The following SEL1L variants were observed in gnomAD, a reference collection of about 807,000 sequenced individuals.
The protein encoded by SEL1L is SEL1L adaptor subunit of SYVN1 ubiquitin ligase.
In SEL1L, 52 loss-of-function variants were observed where a neutral mutation model predicts 109.8. The observed-to-expected ratio is 0.47, with a 90% CI of 0.38 to 0.60. SEL1L has a LOEUF of 0.60. Ranked by LOEUF, SEL1L falls within the 20% of genes least tolerant of loss-of-function variation. The pLI, the probability that SEL1L is intolerant of heterozygous loss-of-function variation, is 0.00. For missense variants in SEL1L, 749 were observed against 962.2 expected (o/e 0.78, Z 2.93); for synonymous variants, 373 against 339.6 (o/e 1.10, Z -1.08).
chr14:81,493,576 A>T (rs1057297581), intron 11 of SEL1L, among the ~76,000 whole-genome samples: 2 of 152,140 alleles, frequency 1.3e-5, no homozygotes, highest in African/African-American at 4.8e-5. Context: ...CAAGATATGT[A>T]TCTCCTTTAG....
intron 3 of SEL1L, among the ~76,000 whole-genome samples, chr14:81,511,255 G>T (rs1353236222): frequency 6.6e-6 from 1 of 152,184 alleles, no homozygotes; most frequent in South Asian, 2.1e-4. Flanking sequence ...TAAGATCAGG[G>T]TTCATACAAA....
intron 3 of SEL1L, among the ~76,000 whole-genome samples, chr14:81,521,345 T>C (rs1371171229): frequency 6.6e-6 from 1 of 152,088 alleles, no homozygotes; most frequent in Non-Finnish European, 1.5e-5. Flanking sequence ...ACATCCTTGT[T>C]CTGCCTGGAA....
rs748099156 is a variant in SEL1L, at chr14:81,498,095, G to T, written c.974-49C>A. 12 of 1,556,364 alleles carry T rather than the reference G, an allele frequency of 7.7e-6. No individual in the cohort carries two copies. In the East Asian group the frequency reaches 2.3e-4, roughly 29 times the overall value. On this transcript the variant is annotated intron_variant, in intron 9 of 20. Coordinates refer to ENST00000336735, the MANE Select transcript of SEL1L (RefSeq NM_005065.6). ...AAGGTGGAGGAAAATCAGAAGAATT[G>T]TTCCAGAGAGAGAGAAGTACAATTC...
intron 3 of SEL1L, among the ~76,000 whole-genome samples, chr14:81,519,640 G>C (rs1408767408): frequency 1.3e-5 from 2 of 152,230 alleles, no homozygotes; most frequent in African/African-American, 4.8e-5. Context: ...CAGTCTGGCT[G>C]CTGTTAGGGA....
intron 4 of SEL1L, 108 bp from the exon 5 acceptor site, chr14:81,504,414 C>T: frequency 1.5e-6 from 1 of 677,506 alleles, no homozygotes. Context: ...AATGATCTTT[C>T]ACTATTCCCA....
chr14:81,517,333 G>C (rs1405499868), intron 3 of SEL1L, among the ~76,000 whole-genome samples: 3 of 152,138 alleles, frequency 2.0e-5, no homozygotes, highest in Non-Finnish European at 2.9e-5. Flanking sequence ...CTTCTAGATG[G>C]GAAGAGAAAG....
intron 4 of SEL1L, 96 bp downstream of exon 4, chr14:81,505,978 G>T (rs1169706035): frequency 8.0e-6 from 10 of 1,242,904 alleles, no homozygotes; most frequent in Non-Finnish European, 1.1e-5. Flanking sequence ...GGCCATTTCT[G>T]ACCAATGTGG....
At chr14:81,518,368 A>T (rs1035919394) in intron 3 of SEL1L, among the ~76,000 whole-genome samples, 3 of 151,862 alleles carry the variant, frequency 2.0e-5, no homozygotes, top group African/African-American at 7.3e-5. Context: ...AATGTGTTTT[A>T]AAAAAGGTAG....
At chr14:81,482,808 T>C (rs970849931) in intron 19 of SEL1L, among the ~76,000 whole-genome samples, 3 of 152,110 alleles carry the variant, frequency 2.0e-5, no homozygotes, top group Non-Finnish European at 4.4e-5. Flanking sequence ...GTCAAGAAAA[T>C]ACCGCATTAG....
At chr14:81,524,544 T>C (rs1419537712) in intron 3 of SEL1L, among the ~76,000 whole-genome samples, 1 of 152,208 alleles carries the variant, frequency 6.6e-6, no homozygotes, top group Non-Finnish European at 1.5e-5. Flanking sequence ...CAAAGGATAC[T>C]GCATATTTCT....
intron 19 of SEL1L, 116 bp downstream of exon 19, chr14:81,484,109 A>G (rs1903445435): frequency 2.8e-6 from 3 of 1,079,098 alleles, no homozygotes; most frequent in Non-Finnish European, 4.1e-6. Context: ...TCAGTCCCAT[A>G]ATTTAGTGGC....
At position 81,484,406 on chromosome 14, in the gene SEL1L, A is replaced by G. The variant is rs1400750324; in HGVS notation, c.1874-9T>C. On this transcript the variant is annotated splice_polypyrimidine_tract_variant and intron_variant, in intron 18 of 20. Coordinates refer to ENST00000336735, the MANE Select transcript of SEL1L (RefSeq NM_005065.6). The stretch of plus-strand genomic sequence containing the variant: ...TCTAGCCACAGTATAGCCTTAAACA[A>G]AAGTTAAATGCAGAACTGCCAATAA... 1.9e-6 allele frequency: 3 copies of G among 1,601,158 alleles called. No individual in the cohort carries two copies. The highest frequency in any genetic ancestry group is 2.6e-6 in the Non-Finnish European group (3 of 1,169,816).
At chr14:81,522,950 A>G (rs1482631810) in intron 3 of SEL1L, among the ~76,000 whole-genome samples, 2 of 152,210 alleles carry the variant, frequency 1.3e-5, no homozygotes, top group Non-Finnish European at 2.9e-5. Flanking sequence ...ATATTTTCAA[A>G]TATTTGGTTG....
intron 16 of SEL1L, 69 bp from the exon 17 acceptor site, chr14:81,486,523 G>A (rs1903525177): frequency 1.3e-6 from 2 of 1,506,538 alleles, no homozygotes; most frequent in South Asian, 2.4e-5. Context: ...AATCACTTAT[G>A]CACTTTGGTT....
intron 3 of SEL1L, among the ~76,000 whole-genome samples, chr14:81,513,430 C>T (rs1002922637): frequency 4.6e-5 from 7 of 152,124 alleles, no homozygotes; most frequent in Non-Finnish European, 8.8e-5. Flanking sequence ...AGTGAGACCA[C>T]GAACCCACAG....
In SEL1L at chr14:81,475,435, C is replaced by G. The variant is rs988699584; in HGVS notation, c.*1537G>C. ...CATTATAGACTAGTTAAATCTAGTT[C>G]TAACTACTACCCCAACTTCAAAAAT... On this transcript the variant is annotated 3_prime_UTR_variant, in exon 21 of 21. Coordinates refer to ENST00000336735, the MANE Select transcript of SEL1L (RefSeq NM_005065.6). 6.6e-6 allele frequency: 1 copy of G among 152,542 alleles called. No individual in the cohort carries two copies. The highest frequency in any genetic ancestry group is 1.5e-5 in the Non-Finnish European group (1 of 68,018). The allele number at this position is 152,542 out of a possible 1,614,324, so 9.4% of individuals were successfully genotyped here. A position where few individuals can be genotyped will look rare whatever the true frequency, so the allele number is the denominator to read the frequency against.
At chr14:81,481,793 G>C (rs957113280) in intron 19 of SEL1L, among the ~76,000 whole-genome samples, 20 of 152,314 alleles carry the variant, frequency 1.3e-4, no homozygotes, top group Middle Eastern at 3.4e-3. Flanking sequence ...AGCACTTTGG[G>C]AGACCGAGGC....
intron 13 of SEL1L, 37 bp from the exon 14 acceptor site, chr14:81,489,351 A>G: frequency 2.6e-6 from 4 of 1,539,350 alleles, no homozygotes; most frequent in Non-Finnish European, 3.6e-6. Context: ...GAGTGAAAAG[A>G]ATTCATTCAA....
rs769124663 is a variant in SEL1L, at chr14:81,498,384, CTAAAAGG to C, written c.973+22_973+28del. 9.1e-6 allele frequency: 14 copies of C among 1,541,192 alleles called. No homozygotes were observed. In the Admixed American group the frequency reaches 1.2e-4, roughly 13 times the overall value. ...AGTTAATTCCATTTATTTTTTTTTC[CTAAAAGG>C]TAAAAGGGGAAACATAGATACCATG... On this transcript the variant is annotated intron_variant, in intron 9 of 20. Coordinates refer to ENST00000336735, the MANE Select transcript of SEL1L (RefSeq NM_005065.6).
Sources: gnomAD v4.1 joint callset for allele counts (sites outside exome capture counted in the v4.1 genomes callset) on GRCh38, gnomAD v4.1.1 for gene constraint, MANE v1.5 for transcripts, NCBI Gene and HGNC (gene_info 2026-07-23, HGNC 2026-07-21) for gene names.